The following NBPF20 variants were observed in gnomAD, a reference collection of about 807,000 sequenced individuals.
NBPF20 encodes NBPF family member NBPF20.
A neutral mutation model predicts 68.1 loss-of-function variants in NBPF20; 90 were observed. The ratio of observed to expected loss-of-function variants is 1.32; its 90% CI spans 1.11 to 1.58. NBPF20 has a LOEUF of 1.58. NBPF20 is among the 40% of genes most tolerant of loss of function. NBPF20 has a pLI of 0.00. For missense variants in NBPF20, 816 were observed against 601.2 expected, an observed-to-expected ratio of 1.36 and a Z score of -3.74; for synonymous variants, 290 against 228.1, an observed-to-expected ratio of 1.27 and a Z score of -2.45.
intron 2 of NBPF20, among the ~76,000 whole-genome samples, chr1:145,403,890 A>G (rs1176180484): frequency 1.3e-5 from 2 of 151,784 alleles, no homozygotes; most frequent in Admixed American, 1.3e-4. Context: ...ATGTTAATAA[A>G]GTTTGTGTTA....
the NBPF20 span, among the ~76,000 whole-genome samples, chr1:145,413,613 G>A: frequency 1.3e-5 from 2 of 148,368 alleles, no homozygotes; most frequent in Non-Finnish European, 3.0e-5. Flanking sequence ...AGAGAGCCCA[G>A]AGGCAAAGAC....
chr1:145,393,587 A>T (rs1377352099), intron 9 of NBPF20: 53 of 650,378 alleles, frequency 8.1e-5, no homozygotes, highest in Non-Finnish European at 1.3e-4. Context: ...AACAGTGATC[A>T]TGAAAAGCAT....
intron 5 of NBPF20, 78 bp downstream of exon 10, chr1:145,400,981 G>A (rs111466428): frequency 6.5e-7 from 1 of 1,531,362 alleles, no homozygotes; most frequent in East Asian, 2.2e-5. Flanking sequence ...GCCGATCATA[G>A]ATGCCAGAGA....
intron 7 of NBPF20, among the ~76,000 whole-genome samples, chr1:145,398,434 C>T (rs1233318830): frequency 1.1e-4 from 16 of 152,084 alleles, no homozygotes; most frequent in South Asian, 4.1e-4. Flanking sequence ...CACTCAAAAC[C>T]GCACAACTAC....
intron 5 of NBPF20, 135 bp downstream of exon 10, chr1:145,400,924 G>A (rs1334052441): frequency 3.4e-5 from 38 of 1,116,110 alleles, no homozygotes; most frequent in Non-Finnish European, 4.9e-5. Context: ...CTGTGTCTAA[G>A]CTGGGTTATA....
At chr1:145,411,423 GCT>G in the NBPF20 span, among the ~76,000 whole-genome samples, 1 of 86,432 alleles carries the variant, frequency 1.2e-5, no homozygotes, top group Non-Finnish European at 2.1e-5. Flanking sequence ...ACAGAGTCTT[GCT>G]CTGTTACCCA....
chr1:145,309,510 C>T lies in NBPF20; in HGVS notation c.13938-262G>A, dbSNP rs1351664637. On this transcript the variant is annotated intron_variant, in intron 115 of 137. Coordinates refer to ENST00000369373, the Ensembl canonical transcript of NBPF20. Reference sequence around the variant, plus strand: ...CACACACACACACAGAGAGAGAGAACGAGCTCAGTGAATTATCCAGGTGAC... The same window carrying T: ...CACACACACACACAGAGAGAGAGAATGAGCTCAGTGAATTATCCAGGTGAC... 1.9e-4 allele frequency among the ~76,000 whole-genome samples: 14 copies of T among 74,854 alleles called. 4 individuals are homozygous for T. Among genetic ancestry groups the T allele is most frequent in the African/African-American group, 6.2e-4 (9 of 14,632 alleles). 49.1% of individuals were successfully genotyped at this position (74,854 alleles called of 152,430 possible).
chr1:145,290,182 G>A (rs1202624644), exon 138 of NBPF20: 7 of 147,708 alleles, frequency 4.7e-5, no homozygotes, highest in Admixed American at 1.3e-4. Context: ...ATAGACACAG[G>A]CAGGGAGGAT....
At position 145,400,349 on chromosome 1, in the gene NBPF20, C is replaced by T. The variant is rs1440559443; in HGVS notation, c.775+37G>A. ...TGTCTTCAGAGTTTATCTTCCTCAG[C>T]CTAGAGAGAGGTATGAGACACAAGG... On this transcript the variant is annotated intron_variant, in intron 6 of 137. Coordinates refer to ENST00000369373, the Ensembl canonical transcript of NBPF20. The T allele has an allele frequency of 3.1e-6, 5 of 1,610,986 alleles. No homozygotes were observed. The African/African-American group carries it at 6.7e-5, about 22-fold the overall frequency.
chr1:145,417,732 T>C, the NBPF20 span, among the ~76,000 whole-genome samples: 1 of 146,570 alleles, frequency 6.8e-6, no homozygotes, highest in Non-Finnish European at 1.5e-5. Context: ...TGTGAGGGAA[T>C]TGCACATTAA....
chr1:145,407,488 A>C (rs1301802263), upstream of NBPF20, among the ~76,000 whole-genome samples: 1 of 146,066 alleles, frequency 6.8e-6, no homozygotes, highest in Non-Finnish European at 1.5e-5. Flanking sequence ...ATACAAACAC[A>C]TGAATATATA....
upstream of NBPF20, among the ~76,000 whole-genome samples, chr1:145,406,085 A>ATTTTTTTT (rs587699811): frequency 7.4e-4 from 87 of 117,620 alleles, no homozygotes; most frequent in Non-Finnish European, 9.0e-4. Flanking sequence ...CGCCCGGCTA[A>ATTTTTTTT]TTTTTTTTTT....
chr1:145,292,758 T>A (rs1276445562), intron 136 of NBPF20, among the ~76,000 whole-genome samples: 6 of 123,740 alleles, frequency 4.8e-5, no homozygotes, highest in African/African-American at 2.2e-4. Context: ...TATGCCATAT[T>A]TTTCCAATCA....
intron 137 of NBPF20, 106 bp from the exon 143 acceptor site, chr1:145,291,875 G>C (rs1199541302): frequency 4.2e-5 from 67 of 1,597,964 alleles, no homozygotes; most frequent in South Asian, 5.7e-5. Flanking sequence ...AAAGAAAAAG[G>C]ATAGATCCAT....
At chr1:145,399,675 G>T (rs1245257485) in intron 6 of NBPF20, among the ~76,000 whole-genome samples, 3 of 132,414 alleles carry the variant, frequency 2.3e-5, no homozygotes, top group Non-Finnish European at 3.2e-5. Context: ...AACTCAGGAG[G>T]CTGAGGCAGG....
At chr1:145,403,852 C>G (rs1311249040) in intron 2 of NBPF20, among the ~76,000 whole-genome samples, 2 of 151,780 alleles carry the variant, frequency 1.3e-5, no homozygotes, top group Non-Finnish European at 2.9e-5. Flanking sequence ...CACATAACAC[C>G]TTAAGGCCAT....
intron 2 of NBPF20, among the ~76,000 whole-genome samples, chr1:145,404,877 G>T (rs868954461): frequency 0.044 from 6,187 of 140,300 alleles, 425 homozygotes; most frequent in African/African-American, 0.15. Context: ...TCAATAAATG[G>T]CAGTTTAACT....
At chr1:145,393,048 T>C (rs1156806046) in intron 10 of NBPF20, 26 bp downstream of exon 15, 4 of 502,506 alleles carry the variant, frequency 8.0e-6, no homozygotes, top group Non-Finnish European at 1.3e-5. Flanking sequence ...AGTGGATCCT[T>C]ATCACCTTCA....
intron 137 of NBPF20, among the ~76,000 whole-genome samples, chr1:145,292,140 G>A (rs1161473579): frequency 3.3e-5 from 5 of 149,820 alleles, no homozygotes; most frequent in Admixed American, 6.6e-5. Flanking sequence ...CTCAAAATTC[G>A]ATGCAGTGGC....
Sources: gnomAD v4.1 joint callset for allele counts (sites outside exome capture counted in the v4.1 genomes callset) on GRCh38, gnomAD v4.1.1 for gene constraint, MANE v1.5 for transcripts, NCBI Gene and HGNC (gene_info 2026-07-23, HGNC 2026-07-21) for gene names.